HS6ST2: variants seen among roughly 807,000 people sequenced by gnomAD.
HS6ST2 encodes heparan-sulfate 6-O-sulfotransferase 2.
Under a neutral mutation model 33.0 loss-of-function variants are expected in HS6ST2, and 17 were observed. That is an observed-to-expected ratio of 0.52 (90% CI 0.35 to 0.77). The LOEUF (loss-of-function observed/expected upper bound fraction) is 0.77. Among genes scored for constraint, HS6ST2 ranks in the 30% least tolerant of loss-of-function variants. HS6ST2 has a pLI of 0.01. For missense variants in HS6ST2, 519 were observed against 551.7 expected, an observed-to-expected ratio of 0.94 and a Z score of 0.59; for synonymous variants, 248 against 237.1, an observed-to-expected ratio of 1.05 and a Z score of -0.42.
At chrX:132,809,062 C>G (rs756756157) in intron 2 of HS6ST2, among the ~76,000 whole-genome samples, 1 of 111,962 alleles carries the variant, frequency 8.9e-6, no homozygotes, top group Non-Finnish European at 1.9e-5. Flanking sequence ...GATCTTGGCT[C>G]ACTGCAACCT....
intron 4 of HS6ST2, among the ~76,000 whole-genome samples, chrX:132,630,906 C>T (rs1200997428): frequency 1.8e-5 from 2 of 111,808 alleles, no homozygotes; most frequent in Non-Finnish European, 3.8e-5. Context: ...GGTTGTGCCA[C>T]TGCATTTCAG....
At chrX:132,656,293 A>G (rs2063729406) in intron 4 of HS6ST2, among the ~76,000 whole-genome samples, 1 of 111,066 alleles carries the variant, frequency 9.0e-6, no homozygotes, top group East Asian at 2.8e-4. Flanking sequence ...AGATTGTCCA[A>G]TAGCCAGAAC....
At chrX:132,639,730 C>T (rs2063588111) in intron 4 of HS6ST2, among the ~76,000 whole-genome samples, 2 of 111,840 alleles carry the variant, frequency 1.8e-5, no homozygotes, top group Non-Finnish European at 3.8e-5. Flanking sequence ...TTCCTTCTCC[C>T]AACCCTGAAA....
intron 2 of HS6ST2, 118 bp downstream of exon 2, chrX:132,956,690 G>C (rs1005294124): frequency 7.9e-6 from 7 of 884,519 alleles, no homozygotes; most frequent in Admixed American, 4.5e-5. Context: ...CTGCCCAGCC[G>C]GGGTGCAAAC....
intron 2 of HS6ST2, among the ~76,000 whole-genome samples, chrX:132,838,691 T>C (rs778137272): frequency 9.0e-5 from 10 of 111,054 alleles, no homozygotes; most frequent in Non-Finnish European, 1.7e-4. Flanking sequence ...GAAAAAGTGG[T>C]TCTGGATTTC....
At chrX:132,837,660 A>C (rs1379583070) in intron 2 of HS6ST2, among the ~76,000 whole-genome samples, 1 of 111,789 alleles carries the variant, frequency 8.9e-6, no homozygotes, top group Non-Finnish European at 1.9e-5. Context: ...CATTCTTTAC[A>C]GAGTAGAATT....
Position 132,639,358 on chromosome X carries a change from A to G in HS6ST2, c.1068-10265T>C, listed in dbSNP as rs188601675. 2.7e-4 allele frequency among the ~76,000 whole-genome samples: 30 copies of G among 111,980 alleles called. No homozygotes were observed. In the East Asian group the frequency reaches 7.9e-3, roughly 30 times the overall value. The stretch of plus-strand genomic sequence containing the variant: ...ATCCAATTGCTTGACATCATGAAAA[A>G]TTTTGTAGATTACACTGCCTTTCTC... On this transcript the variant is annotated intron_variant, in intron 4 of 4. Coordinates refer to ENST00000370833, the MANE Select transcript of HS6ST2 (RefSeq NM_001394073.1).
chrX:132,764,486 T>G (rs2064827955), intron 2 of HS6ST2, among the ~76,000 whole-genome samples: 1 of 111,885 alleles, frequency 8.9e-6, no homozygotes, highest in Non-Finnish European at 1.9e-5. Flanking sequence ...TGATGTGACA[T>G]TTGCATTACA....
At chrX:132,677,017 TA>T (rs1407032952) in intron 3 of HS6ST2, among the ~76,000 whole-genome samples, 1 of 112,144 alleles carries the variant, frequency 8.9e-6, no homozygotes, top group Non-Finnish European at 1.9e-5. Flanking sequence ...TGGAGCTCCA[TA>T]GCAGGTGAGA....
At chrX:132,943,234 G>A (rs1303225160) in intron 2 of HS6ST2, among the ~76,000 whole-genome samples, 2 of 111,546 alleles carry the variant, frequency 1.8e-5, no homozygotes, top group Non-Finnish European at 3.8e-5. Flanking sequence ...CTTAGCCACA[G>A]AAAAGAAAAA....
intron 2 of HS6ST2, among the ~76,000 whole-genome samples, chrX:132,828,710 A>G (rs1230016349): frequency 9.1e-5 from 8 of 87,624 alleles, no homozygotes; most frequent in East Asian, 6.8e-4. Context: ...ACACACACAC[A>G]CACACACACA....
chrX:132,654,311 G>GTCAA (rs1324502982), intron 4 of HS6ST2, among the ~76,000 whole-genome samples: 7 of 111,037 alleles, frequency 6.3e-5, no homozygotes, highest in Non-Finnish European at 1.3e-4. Flanking sequence ...CTTTTTATAT[G>GTCAA]TCAATCATAC....
intron 2 of HS6ST2, among the ~76,000 whole-genome samples, chrX:132,768,335 CAAAAA>C (rs771487342): frequency 2.2e-5 from 1 of 46,342 alleles, no homozygotes; most frequent in Non-Finnish European, 3.8e-5. Flanking sequence ...GACTCTGTCT[CAAAAA>C]AAAAAAAAAA....
chrX:132,957,167 C>G lies in HS6ST2; in HGVS notation c.588G>C (p.Ser196=). ...FSSPVPDPYR[S]EDESSARFVP... ...CGAACCTGGCGGAGCTCTCATCCTC[C>G]GAGCGGTACGGGTCCGGCACCGGGG... is the stretch of plus-strand genomic sequence containing the variant. The change falls in exon 2 of 5, where the codon TCG becomes TCC. Residue 196 remains serine, a synonymous_variant. Coordinates refer to ENST00000370833, the MANE Select transcript of HS6ST2 (RefSeq NM_001394073.1). 2.5e-6 allele frequency: 3 copies of G among 1,211,725 alleles called. No homozygotes were observed. The highest frequency in any genetic ancestry group is 3.4e-6 in the Non-Finnish European group (3 of 895,425).
intron 2 of HS6ST2, among the ~76,000 whole-genome samples, chrX:132,893,251 C>G (rs1034174598): frequency 8.9e-6 from 1 of 112,145 alleles, no homozygotes; most frequent in Non-Finnish European, 1.9e-5. Context: ...TCTGAGGATG[C>G]CTCCTTAACT....
chrX:132,881,172 T>G (rs2066168146), intron 2 of HS6ST2, among the ~76,000 whole-genome samples: 1 of 111,207 alleles, frequency 9.0e-6, no homozygotes, highest in African/African-American at 3.3e-5. Context: ...AAATGGTATT[T>G]CTAGTTCTAG....
Position 132,631,605 on chromosome X carries a change from GA to G in HS6ST2, c.1068-2513del, listed in dbSNP as rs111750127. 4.7e-3 allele frequency among the ~76,000 whole-genome samples: 462 copies of G among 97,817 alleles called. 1 individual carries two copies. The highest frequency in any genetic ancestry group is 0.01 in the African/African-American group (276 of 27,096). The allele number at this position is 97,817 out of a possible 115,157, so 84.9% of individuals were successfully genotyped here. A position where few individuals can be genotyped will look rare whatever the true frequency, so the allele number is the denominator to read the frequency against. ...TAGTGGCAATTAGTCTGATTATTTG[GA>G]AAAAAAAAAAAAGAAATTTATTAAG... On this transcript the variant is annotated intron_variant, in intron 4 of 4. Coordinates refer to ENST00000370833, the MANE Select transcript of HS6ST2 (RefSeq NM_001394073.1).
intron 2 of HS6ST2, among the ~76,000 whole-genome samples, chrX:132,739,059 A>G (rs1024145110): frequency 1.8e-5 from 2 of 112,059 alleles, no homozygotes; most frequent in African/African-American, 3.2e-5. Flanking sequence ...TGGAAAATGC[A>G]GATAAATGTA....
At chrX:132,767,812 G>A (rs1019639270) in intron 2 of HS6ST2, among the ~76,000 whole-genome samples, 2 of 111,145 alleles carry the variant, frequency 1.8e-5, no homozygotes, top group Non-Finnish European at 3.8e-5. Context: ...GTAGTATGAT[G>A]CTTGTTACTT....
Sources: allele counts gnomAD v4.1 joint callset (sites outside exome capture counted in the v4.1 genomes callset), GRCh38; gene constraint gnomAD v4.1.1; transcripts MANE v1.5; gene names NCBI Gene and HGNC (gene_info 2026-07-23, HGNC 2026-07-21).